The following DNER variants were observed in gnomAD, a reference collection of about 807,000 sequenced individuals.
The protein encoded by DNER is delta/notch like EGF repeat containing.
A neutral mutation model predicts 78.2 loss-of-function variants in DNER; 33 were observed. That is an observed-to-expected ratio of 0.42 (90% CI 0.32 to 0.56). The LOEUF is 0.56. Ranked by LOEUF, DNER falls within the 20% of genes least tolerant of loss-of-function variation. The pLI is 0.11. For missense variants in DNER, 918 were observed against 975.3 expected, an observed-to-expected ratio of 0.94 and a Z score of 0.78; for synonymous variants, 417 against 384.8, an observed-to-expected ratio of 1.08 and a Z score of -0.98.
intron 5 of DNER, among the ~76,000 whole-genome samples, chr2:229,531,086 A>C (rs1437999310): frequency 6.6e-6 from 1 of 152,146 alleles, no homozygotes; most frequent in African/African-American, 2.4e-5. Flanking sequence ...ATTCCCTAGA[A>C]ACAATCCAAA....
chr2:229,479,707 T>C (rs7557474), intron 6 of DNER, among the ~76,000 whole-genome samples: 18,462 of 146,960 alleles, frequency 0.13, 1,332 homozygotes, highest in South Asian at 0.2. Flanking sequence ...AGTGAGACTT[T>C]GTCTCAAAAA....
chr2:229,677,652 G>A (rs1699319136), intron 1 of DNER, among the ~76,000 whole-genome samples: 1 of 152,168 alleles, frequency 6.6e-6, no homozygotes. Flanking sequence ...TACATTGGTT[G>A]TAATATTCAA....
At chr2:229,524,974 G>A (rs770963047) in intron 5 of DNER, among the ~76,000 whole-genome samples, 4 of 152,150 alleles carry the variant, frequency 2.6e-5, no homozygotes, top group South Asian at 2.1e-4. Flanking sequence ...CCTTCGGGAC[G>A]TCCCCTTTAA....
intron 1 of DNER, among the ~76,000 whole-genome samples, chr2:229,635,855 C>G (rs1698522594): frequency 6.6e-6 from 1 of 152,022 alleles, no homozygotes; most frequent in South Asian, 2.1e-4. Flanking sequence ...ATGTACTGGG[C>G]ACTGTTCTGT....
intron 1 of DNER, among the ~76,000 whole-genome samples, chr2:229,657,150 C>A (rs994770760): frequency 2.6e-5 from 4 of 152,200 alleles, no homozygotes; most frequent in African/African-American, 7.2e-5. Context: ...ACGTCTCCAC[C>A]TTTCCCCACC....
At position 229,550,141 on chromosome 2, in the gene DNER, C is replaced by CAT. The variant is rs1559164024; in HGVS notation, c.848-3050_848-3049insAT. On this transcript the variant is annotated intron_variant, in intron 4 of 12. Transcript: ENST00000341772. Reference sequence around the variant, plus strand: ...CCAAGTACCTGGGATTACATATACGCGCCACCACACCCAGCTAATTTTTGT... The same window carrying CAT: ...CCAAGTACCTGGGATTACATATACGCATGCCACCACACCCAGCTAATTTTTGT... 2.2e-3 allele frequency among the ~76,000 whole-genome samples: 334 copies of CAT among 151,212 alleles called. 1 individual carries two copies. The highest frequency in any genetic ancestry group is 7.7e-3 in the African/African-American group (318 of 41,086).
chr2:229,681,226 T>C (rs1699382159), intron 1 of DNER, among the ~76,000 whole-genome samples: 1 of 152,146 alleles, frequency 6.6e-6, no homozygotes, highest in Admixed American at 6.5e-5. Context: ...ATAATCTGGC[T>C]CCAGAACACC....
rs113309827 is a variant in DNER at position 229,569,120 on chromosome 2, T to G, written c.847+16738A>C. On this transcript the variant is annotated intron_variant, in intron 4 of 12. Transcript: ENST00000341772. ...ATGGATGGATGCGTATCTATGTGTG[T>G]GCATATACATGAATGTGCATCTGTG... 5.9e-4 allele frequency among the ~76,000 whole-genome samples: 90 copies of G among 152,332 alleles called. 1 individual carries two copies. Among genetic ancestry groups the G allele is most frequent in the African/African-American group, 1.9e-3 (81 of 41,566 alleles).
intron 7 of DNER, among the ~76,000 whole-genome samples, chr2:229,471,784 C>T (rs949103958): frequency 3.3e-5 from 5 of 152,152 alleles, no homozygotes; most frequent in Admixed American, 1.3e-4. Context: ...AACATGTAAA[C>T]GAGTGTTACT....
Position 229,558,233 on chromosome 2 carries a change from G to A in DNER, c.848-11141C>T, listed in dbSNP as rs1309392602. ...CACACACTGGCGCCTTTTGGAGGGT[G>A]GAGGGTAGGAGGAGAGAGAGGATCA... On this transcript the variant is annotated intron_variant, in intron 4 of 12. Coordinates refer to ENST00000341772, the MANE Select transcript of DNER (RefSeq NM_139072.4). Among the ~76,000 whole-genome samples, 3 of 152,250 alleles carry A rather than the reference G, an allele frequency of 2.0e-5. No homozygotes were observed. The East Asian group carries it at 5.8e-4, about 29-fold the overall frequency.
intron 1 of DNER, among the ~76,000 whole-genome samples, chr2:229,619,780 A>G (rs1460451066): frequency 6.6e-6 from 1 of 152,250 alleles, no homozygotes; most frequent in Non-Finnish European, 1.5e-5. Flanking sequence ...AGCTGGTACT[A>G]TATTTTAAAT....
At chr2:229,443,097 TA>T (rs57966109) in intron 8 of DNER, among the ~76,000 whole-genome samples, 4,973 of 152,030 alleles carry the variant, frequency 0.033, 265 homozygotes, top group African/African-American at 0.11. Flanking sequence ...TCTTGCTTGT[TA>T]AAAAAAATTA....
chr2:229,403,834 T>C (rs954318240), intron 10 of DNER, among the ~76,000 whole-genome samples: 2 of 151,838 alleles, frequency 1.3e-5, no homozygotes, highest in Non-Finnish European at 2.9e-5. Context: ...TGACATGGTA[T>C]GTTCAGTTAT....
At chr2:229,670,701 T>C (rs1256307828) in intron 1 of DNER, among the ~76,000 whole-genome samples, 19 of 152,260 alleles carry the variant, frequency 1.2e-4, no homozygotes, top group Admixed American at 1.2e-3. Flanking sequence ...AACACTGTGC[T>C]GTCCAACAGT....
chr2:229,359,650 T>TA (rs1355407770), intron 12 of DNER, among the ~76,000 whole-genome samples: 7 of 152,186 alleles, frequency 4.6e-5, no homozygotes, highest in Admixed American at 4.6e-4. Flanking sequence ...TAAAGGGGCT[T>TA]ATTTGCCATG....
At chr2:229,359,997 A>G (rs970747568) in intron 12 of DNER, among the ~76,000 whole-genome samples, 2 of 152,354 alleles carry the variant, frequency 1.3e-5, no homozygotes, top group Non-Finnish European at 2.9e-5. Context: ...GTGAAGCCTC[A>G]CTGAAGGTCC....
At chr2:229,513,479 A>G (rs1044980412) in intron 5 of DNER, among the ~76,000 whole-genome samples, 3 of 152,270 alleles carry the variant, frequency 2.0e-5, no homozygotes, top group Admixed American at 2.0e-4. Context: ...AGTATAATTC[A>G]AGTAACCATT....
intron 6 of DNER, among the ~76,000 whole-genome samples, chr2:229,503,298 C>A (rs563263152): frequency 6.6e-6 from 1 of 152,176 alleles, no homozygotes; most frequent in Non-Finnish European, 1.5e-5. Context: ...TTACCCTACA[C>A]GAATGGGTAT....
chr2:229,672,114 G>C (rs951443841), intron 1 of DNER, among the ~76,000 whole-genome samples: 1 of 152,188 alleles, frequency 6.6e-6, no homozygotes, highest in African/African-American at 2.4e-5. Context: ...ACAATGATTT[G>C]CCCGTGAATC....
Sources: gnomAD v4.1 joint callset for allele counts (sites outside exome capture counted in the v4.1 genomes callset) on GRCh38, gnomAD v4.1.1 for gene constraint, MANE v1.5 for transcripts, NCBI Gene and HGNC (gene_info 2026-07-23, HGNC 2026-07-21) for gene names.